ITGA6: variants seen among roughly 807,000 people sequenced by gnomAD.
ITGA6 encodes integrin subunit alpha 6, also known as integrin alpha-6.
A neutral mutation model predicts 133.6 loss-of-function variants in ITGA6; 63 were observed. That is an observed-to-expected ratio of 0.47 (90% CI 0.38 to 0.58). The LOEUF (loss-of-function observed/expected upper bound fraction) is 0.58. ITGA6 is among the 20% of genes least tolerant of loss of function. The pLI, the probability that ITGA6 is intolerant of heterozygous loss-of-function variation, is 0.00. For missense variants in ITGA6, 1,068 were observed against 1,309.4 expected (o/e 0.82, Z 2.85); for synonymous variants, 434 against 482.0 (o/e 0.90, Z 1.30).
At position 172,506,278 on chromosome 2, in the gene ITGA6, C is replaced by T. The variant is rs1370063704; in HGVS notation, c.*2210C>T. On this transcript the variant is annotated 3_prime_UTR_variant, in exon 26 of 26. Transcript: ENST00000684293. ...AACCTGAATTATCTATTTCATCAAACCAAAGTTCAGTGTTTTTATTTTTGG... is the reference window on the plus strand; with the variant it reads ...AACCTGAATTATCTATTTCATCAAATCAAAGTTCAGTGTTTTTATTTTTGG... 1 of 152,560 alleles carries T rather than the reference C, an allele frequency of 6.6e-6. No homozygotes were observed. The highest frequency in any genetic ancestry group is 1.5e-5 in the Non-Finnish European group (1 of 68,010). The allele number at this position is 152,560 out of a possible 1,614,324, so 9.5% of individuals were successfully genotyped here.
intron 1 of ITGA6, among the ~76,000 whole-genome samples, chr2:172,460,201 A>G (rs543057574): frequency 6.6e-6 from 1 of 152,334 alleles, no homozygotes; most frequent in South Asian, 2.1e-4. Context: ...TTGGCTATGT[A>G]AAAGAATAGA....
chr2:172,491,272 C>T lies in ITGA6; in HGVS notation c.2830C>T (p.Leu944=). 2 of 1,613,106 alleles carry T rather than the reference C, an allele frequency of 1.2e-6. No homozygotes were observed. The highest frequency in any genetic ancestry group is 1.1e-5 in the South Asian group (1 of 91,066). ...CVNIRCPLRG[L]DSKASLILRS... ...GAACATCAGATGCCCGCTGCGGGGGCTGGACAGCAAGGCGTCTCTTATTTT... is the reference window on the plus strand; with the variant it reads ...GAACATCAGATGCCCGCTGCGGGGGTTGGACAGCAAGGCGTCTCTTATTTT... The change falls in exon 22 of 26, where the codon CTG becomes TTG. Residue 944 remains leucine, a synonymous_variant. Transcript: ENST00000684293. This position sits in a 1 kb window ranked among gnomAD's most constrained non-coding sequence, Gnocchi z 4.4.
chr2:172,491,275 G>A lies in ITGA6; in HGVS notation c.2833G>A (p.Asp945Asn), dbSNP rs373286090. 1 of 1,613,348 alleles carries A rather than the reference G, an allele frequency of 6.2e-7. No homozygotes were observed. The highest frequency in any genetic ancestry group is 1.3e-5 in the African/African-American group (1 of 75,024). Reference sequence around the variant, plus strand: ...CATCAGATGCCCGCTGCGGGGGCTGGACAGCAAGGCGTCTCTTATTTTGCG... The same window carrying A: ...CATCAGATGCCCGCTGCGGGGGCTGAACAGCAAGGCGTCTCTTATTTTGCG... ...VNIRCPLRGLDSKASLILRSR... is the reference protein window; with the variant it reads ...VNIRCPLRGLNSKASLILRSR... The change falls in exon 22 of 26, where the codon GAC becomes AAC. Residue 945 changes from aspartate (D) to asparagine (N), a missense_variant. Around this residue, in one of 3 missense-constraint regions of ITGA6, gnomAD observed 609 missense variants for 707.2 expected, o/e 0.86. Transcript: ENST00000684293. The surrounding 1 kb of genome is among the most constrained non-coding windows in gnomAD (Gnocchi z 4.4).
Position 172,491,611 on chromosome 2 carries a change from T to C in ITGA6, c.2988+88T>C. ...CATGTCCTGAAGTCATGTGCTTTGG[T>C]GCTCATTTCCCTCATAGCCCCATTA... On this transcript the variant is annotated intron_variant, in intron 23 of 25. Transcript: ENST00000684293. The surrounding 1 kb of genome is among the most constrained non-coding windows in gnomAD (Gnocchi z 4.4). 1.1e-6 allele frequency: 1 copy of C among 872,280 alleles called. No homozygotes were observed. Among genetic ancestry groups the C allele is most frequent in the Non-Finnish European group, 1.9e-6 (1 of 528,396 alleles). 54.0% of individuals were successfully genotyped at this position (872,280 alleles called of 1,614,324 possible).
At chr2:172,465,249 TC>T (rs914269479) in intron 1 of ITGA6, 13 of 482,970 alleles carry the variant, frequency 2.7e-5, no homozygotes, top group Middle Eastern at 6.0e-4. Flanking sequence ...GAAGAGGGTG[TC>T]TTTTAAACAC....
intron 1 of ITGA6, among the ~76,000 whole-genome samples, chr2:172,453,968 C>G (rs1394095341): frequency 1.3e-5 from 2 of 152,100 alleles, no homozygotes; most frequent in African/African-American, 2.4e-5. Context: ...AGCAAATGGT[C>G]TCACACACAG....
intron 2 of ITGA6, among the ~76,000 whole-genome samples, chr2:172,466,858 A>T (rs1473099478): frequency 1.3e-5 from 2 of 152,132 alleles, no homozygotes; most frequent in East Asian, 1.9e-4. Flanking sequence ...CAAAATTTGG[A>T]TATAGGTCAC....
chr2:172,439,747 TGA>T (rs912451416), intron 1 of ITGA6, among the ~76,000 whole-genome samples: 6 of 152,302 alleles, frequency 3.9e-5, no homozygotes, highest in African/African-American at 1.4e-4. Context: ...GAAGGAAGAC[TGA>T]GACCCAGAAA....
At chr2:172,449,074 T>C (rs1450319052) in intron 1 of ITGA6, among the ~76,000 whole-genome samples, 1 of 151,668 alleles carries the variant, frequency 6.6e-6, no homozygotes, top group Non-Finnish European at 1.5e-5. Context: ...GCCTGGGAAG[T>C]GAAAGGAGGA....
chr2:172,462,202 C>T (rs573609418), intron 1 of ITGA6, among the ~76,000 whole-genome samples: 120 of 152,264 alleles, frequency 7.9e-4, no homozygotes, highest in Non-Finnish European at 1.4e-3. Context: ...GGAGACCGGG[C>T]GCAACTGGAG....
intron 20 of ITGA6, 182 bp from the exon 21 acceptor site, chr2:172,490,842 T>C (rs1194648499): frequency 3.5e-6 from 2 of 574,878 alleles, no homozygotes; most frequent in Non-Finnish European, 6.3e-6. Context: ...ATCAATAAAC[T>C]TGAATTTAGA....
rs1685623550 is a variant in ITGA6 at position 172,465,576 on chromosome 2, C to T, written c.220C>T (p.Leu74=). Residue 74 remains leucine, a synonymous_variant, in exon 2 of 26, where the codon CTG becomes TTG. Coordinates refer to ENST00000684293, the MANE Select transcript of ITGA6 (RefSeq NM_000210.4). The part of the protein sequence containing the change: ...VGAPRAEALP[L]QRANRTGGLY... ...GGCCCCGCGGGCAGAAGCGCTTCCACTGCAGAGAGCCAACAGAACGGGAGG... is the reference window on the plus strand; with the variant it reads ...GGCCCCGCGGGCAGAAGCGCTTCCATTGCAGAGAGCCAACAGAACGGGAGG... The T allele has an allele frequency of 2.5e-6, 4 of 1,614,256 alleles. No individual in the cohort carries two copies. The highest frequency in any genetic ancestry group is 3.4e-6 in the Non-Finnish European group (4 of 1,180,044).
chr2:172,448,193 C>T (rs1461354269), intron 1 of ITGA6, among the ~76,000 whole-genome samples: 1 of 152,040 alleles, frequency 6.6e-6, no homozygotes, highest in African/African-American at 2.4e-5. Flanking sequence ...TATTCTTTGC[C>T]TTTAATTTTG....
chr2:172,487,489 A>T, intron 15 of ITGA6, 36 bp downstream of exon 15: 1 of 1,611,460 alleles, frequency 6.2e-7, no homozygotes, highest in Non-Finnish European at 8.5e-7. Context: ...GAGGGGAAAA[A>T]AATCAACACT....
chr2:172,475,713 C>CT (rs759989812), intron 8 of ITGA6, 28 bp downstream of exon 8: 1 of 1,229,404 alleles, frequency 8.1e-7, no homozygotes. Context: ...ATTTCTACAG[C>CT]TAGAGTCTCA....
chr2:172,472,707 C>A, intron 5 of ITGA6: 1 of 1,006,468 alleles, frequency 9.9e-7, no homozygotes, highest in Non-Finnish European at 1.6e-6. Flanking sequence ...ACAGCAGTGG[C>A]TGTCCTGCCT....
chr2:172,445,664 A>AAAAG, intron 1 of ITGA6, among the ~76,000 whole-genome samples: 2 of 150,498 alleles, frequency 1.3e-5, no homozygotes, highest in East Asian at 1.9e-4. Flanking sequence ...AAAAAAAAAA[A>AAAAG]AAGAAAAAAA....
intron 5 of ITGA6, among the ~76,000 whole-genome samples, chr2:172,472,398 T>C (rs897716948): frequency 2.0e-5 from 3 of 152,250 alleles, no homozygotes; most frequent in African/African-American, 4.8e-5. Context: ...ACCAATACTT[T>C]GGTCTTTAAG....
At chr2:172,487,859 C>A (rs755305423) in intron 17 of ITGA6, 52 bp downstream of exon 17, 2 of 1,488,206 alleles carry the variant, frequency 1.3e-6, no homozygotes, top group Admixed American at 1.7e-5. Flanking sequence ...AAAATATGGG[C>A]AGTCAATGAA....
Sources: gnomAD v4.1 joint callset for allele counts (sites outside exome capture counted in the v4.1 genomes callset) on GRCh38, gnomAD v4.1.1 for gene constraint, gnomAD v4.1.1 regional missense constraint, Gnocchi (gnomAD v3.1) non-coding constraint, MANE v1.5 for transcripts, NCBI Gene and HGNC (gene_info 2026-07-23, HGNC 2026-07-21) for gene names.